Variants in RNGTT observed in about 807,000 individuals in gnomAD.
RNGTT encodes the protein RNA guanylyltransferase and 5'-phosphatase, also known as mRNA-capping enzyme.
In RNGTT, 33 loss-of-function variants were observed where a neutral mutation model predicts 79.3. The observed-to-expected ratio is 0.42, with a 90% confidence interval of 0.32 to 0.56. The LOEUF is 0.56. Ranked by LOEUF, RNGTT falls within the 20% of genes least tolerant of loss-of-function variation. The pLI, the probability that RNGTT is intolerant of heterozygous loss-of-function variation, is 0.17. For synonymous variants in RNGTT, 222 were observed against 235.9 expected (o/e 0.94, Z 0.54); for missense variants, 497 against 739.1 (o/e 0.67, Z 3.80).
intron 13 of RNGTT, among the ~76,000 whole-genome samples, chr6:88,697,975 T>TATATATGATATATATATATGAAATAC (rs1562201485): frequency 1.2e-4 from 13 of 104,962 alleles, no homozygotes; most frequent in African/African-American, 5.2e-4. Flanking sequence ...ATGAAATACA[T>TATATATGATATATATATATGAAATAC]ATATATGATA....
chr6:88,624,085 A>G lies in RNGTT; in HGVS notation c.1507-9690T>C, dbSNP rs529936621. On this transcript the variant is annotated intron_variant, in intron 14 of 15. Coordinates refer to ENST00000369485, the MANE Select transcript of RNGTT (RefSeq NM_003800.5). The stretch of plus-strand genomic sequence containing the variant: ...CAACTACAAAATACTGATGAAAGAA[A>G]GAAATCAAGGAGAACCTAAATAAAA... Among the ~76,000 whole-genome samples the G allele has an allele frequency of 4.6e-5, 7 of 152,128 alleles. No individual in the cohort carries two copies. The South Asian group carries it at 6.2e-4, about 13-fold the overall frequency.
chr6:88,872,227 G>C (rs1472514144), intron 8 of RNGTT, among the ~76,000 whole-genome samples: 1 of 152,026 alleles, frequency 6.6e-6, no homozygotes, highest in Non-Finnish European at 1.5e-5. Context: ...TTGAACCTAA[G>C]TGGGTACAGG....
chr6:88,924,424 T>C (rs567652643), intron 4 of RNGTT, among the ~76,000 whole-genome samples: 1 of 152,344 alleles, frequency 6.6e-6, no homozygotes, highest in East Asian at 1.9e-4. Context: ...TACTGGTGTA[T>C]AAGATATCTT....
Position 88,891,382 on chromosome 6 carries a change from C to T in RNGTT, c.794+424G>A, listed in dbSNP as rs527650735. On this transcript the variant is annotated intron_variant, in intron 7 of 15. Coordinates refer to ENST00000369485, the MANE Select transcript of RNGTT (RefSeq NM_003800.5). ...AATGTATGCTCTCCTGAATCCACTACGAAATGTCTGAAAGATATTTTCAAG... is the reference window on the plus strand; with the variant it reads ...AATGTATGCTCTCCTGAATCCACTATGAAATGTCTGAAAGATATTTTCAAG... 5.3e-5 allele frequency among the ~76,000 whole-genome samples: 8 copies of T among 152,136 alleles called. 1 individual carries two copies. The highest frequency in any genetic ancestry group is 1.9e-4 in the African/African-American group (8 of 41,540).
intron 12 of RNGTT, among the ~76,000 whole-genome samples, chr6:88,783,893 T>C (rs1365002345): frequency 1.3e-5 from 2 of 152,200 alleles, no homozygotes; most frequent in Non-Finnish European, 2.9e-5. Context: ...ATCTAAAGTA[T>C]GCATTCATTC....
At chr6:88,836,934 T>G (rs1781100979) in intron 11 of RNGTT, among the ~76,000 whole-genome samples, 1 of 152,090 alleles carries the variant, frequency 6.6e-6, no homozygotes, top group South Asian at 2.1e-4. Flanking sequence ...TCAGGTATTT[T>G]AATAAATGGA....
At chr6:88,860,183 G>T (rs540430361) in intron 8 of RNGTT, among the ~76,000 whole-genome samples, 1 of 152,190 alleles carries the variant, frequency 6.6e-6, no homozygotes, top group African/African-American at 2.4e-5. Flanking sequence ...TATTCAAGTT[G>T]CAGACTGACA....
chr6:88,825,382 TG>T (rs1289633633), intron 11 of RNGTT, among the ~76,000 whole-genome samples: 2 of 152,206 alleles, frequency 1.3e-5, no homozygotes, highest in Non-Finnish European at 2.9e-5. Context: ...GAATATTTGG[TG>T]GCATAGATTC....
At chr6:88,926,706 T>C (rs1170048396) in intron 4 of RNGTT, among the ~76,000 whole-genome samples, 1 of 152,226 alleles carries the variant, frequency 6.6e-6, no homozygotes, top group Non-Finnish European at 1.5e-5. Flanking sequence ...CCTTACTGGC[T>C]GTGTGAGTGA....
chr6:88,812,078 T>C (rs1421637992), intron 11 of RNGTT, among the ~76,000 whole-genome samples: 1 of 152,198 alleles, frequency 6.6e-6, no homozygotes, highest in Non-Finnish European at 1.5e-5. Flanking sequence ...TCATCCTTCT[T>C]GCTCATCACA....
chr6:88,936,734 T>C (rs2127956833), intron 2 of RNGTT, among the ~76,000 whole-genome samples: 1 of 152,324 alleles, frequency 6.6e-6, no homozygotes, highest in Non-Finnish European at 1.5e-5. Context: ...CTGTTTTCTC[T>C]TTTTGTTGTG....
chr6:88,901,538 A>C, intron 6 of RNGTT, among the ~76,000 whole-genome samples: 1 of 93,748 alleles, frequency 1.1e-5, no homozygotes, highest in East Asian at 2.5e-4. Context: ...ATGGAGTCTC[A>C]CTCTGTCGAC....
At chr6:88,880,537 C>T (rs886742958) in intron 8 of RNGTT, among the ~76,000 whole-genome samples, 16 of 152,008 alleles carry the variant, frequency 1.1e-4, no homozygotes, top group African/African-American at 3.6e-4. Context: ...GATATAGATA[C>T]ATATGTAAAA....
chr6:88,837,553 C>CA, intron 11 of RNGTT, among the ~76,000 whole-genome samples: 1 of 150,980 alleles, frequency 6.6e-6, no homozygotes, highest in Middle Eastern at 3.4e-3. Flanking sequence ...AACATCAATG[C>CA]AAAAATCCTT....
intron 8 of RNGTT, among the ~76,000 whole-genome samples, chr6:88,856,913 T>A (rs1230646850): frequency 1.3e-5 from 2 of 152,138 alleles, no homozygotes; most frequent in South Asian, 4.1e-4. Flanking sequence ...AATTAGGAAA[T>A]TATCTCAACT....
chr6:88,729,987 T>C (rs539851191), intron 13 of RNGTT, among the ~76,000 whole-genome samples: 1 of 152,276 alleles, frequency 6.6e-6, no homozygotes, highest in South Asian at 2.1e-4. Context: ...CATCTGTGGG[T>C]TGGTGCAGAG....
At chr6:88,943,946 G>C (rs184099644) in intron 1 of RNGTT, among the ~76,000 whole-genome samples, 246 of 152,272 alleles carry the variant, frequency 1.6e-3, no homozygotes, top group Non-Finnish European at 3.1e-3. Context: ...AGGCTTCCTA[G>C]AGCAAATCTC....
chr6:88,716,624 A>C (rs1412070427), intron 13 of RNGTT, among the ~76,000 whole-genome samples: 1 of 152,242 alleles, frequency 6.6e-6, no homozygotes, highest in Non-Finnish European at 1.5e-5. Flanking sequence ...ACACCATGGA[A>C]TACTATGCAG....
chr6:88,748,979 C>A (rs1777755741), intron 13 of RNGTT, among the ~76,000 whole-genome samples: 1 of 152,048 alleles, frequency 6.6e-6, no homozygotes, highest in Admixed American at 6.6e-5. Flanking sequence ...GGTTACCTTT[C>A]TTTTGGGGTA....
Sources: gnomAD v4.1 joint callset for allele counts (sites outside exome capture counted in the v4.1 genomes callset) on GRCh38, gnomAD v4.1.1 for gene constraint, MANE v1.5 for transcripts, NCBI Gene and HGNC (gene_info 2026-07-23, HGNC 2026-07-21) for gene names.